The following GAB2 variants were observed in gnomAD, a reference collection of about 807,000 sequenced individuals.
GAB2 encodes the protein GRB2 associated binding protein 2.
GAB2 carries 26 observed loss-of-function variants against 65.5 expected under a neutral mutation model. The ratio of observed to expected loss-of-function variants is 0.40; its 90% CI spans 0.29 to 0.55. GAB2 has a LOEUF of 0.55. GAB2 is among the 20% of genes least tolerant of loss of function. The probability of loss-of-function intolerance (pLI) is 0.53; values close to 1 mark genes in which losing one functional copy is unlikely to be tolerated. For missense variants in GAB2, 884 were observed against 875.8 expected (o/e 1.01, Z -0.12); for synonymous variants, 321 against 329.6 (o/e 0.97, Z 0.28).
At chr11:78,273,449 A>C (rs926118604) in intron 2 of GAB2, among the ~76,000 whole-genome samples, 2 of 152,224 alleles carry the variant, frequency 1.3e-5, no homozygotes, top group Non-Finnish European at 2.9e-5. Flanking sequence ...GCCCCACTGG[A>C]TTTTGGACTT....
intron 2 of GAB2, among the ~76,000 whole-genome samples, chr11:78,279,275 T>C (rs1326522244): frequency 3.3e-5 from 5 of 152,094 alleles, no homozygotes; most frequent in Non-Finnish European, 7.4e-5. Context: ...AACTTCCTGT[T>C]AAAAAAACTA....
At chr11:78,307,638 T>A (rs1855397092) in intron 1 of GAB2, among the ~76,000 whole-genome samples, 1 of 106,328 alleles carries the variant, frequency 9.4e-6, no homozygotes, top group South Asian at 3.2e-4. Context: ...GAGAGAGATG[T>A]TGAGTCAAAA....
intron 1 of GAB2, among the ~76,000 whole-genome samples, chr11:78,342,187 C>G (rs1421623842): frequency 6.6e-6 from 1 of 152,326 alleles, no homozygotes; most frequent in South Asian, 2.1e-4. Flanking sequence ...TTTGCTTACA[C>G]TCTAGTGAAT....
At chr11:78,382,978 GA>G (rs1443423419) in intron 1 of GAB2, among the ~76,000 whole-genome samples, 2 of 152,168 alleles carry the variant, frequency 1.3e-5, no homozygotes, top group Non-Finnish European at 2.9e-5. Context: ...TCTGACTTTA[GA>G]AACAGTCTTC....
At chr11:78,285,490 T>C (rs1866454825) in intron 1 of GAB2, among the ~76,000 whole-genome samples, 1 of 152,184 alleles carries the variant, frequency 6.6e-6, no homozygotes, top group Non-Finnish European at 1.5e-5. Context: ...TATTTATTTA[T>C]ATATATTTTT....
chr11:78,260,027 A>C (rs1865689714), intron 2 of GAB2, among the ~76,000 whole-genome samples: 1 of 152,250 alleles, frequency 6.6e-6, no homozygotes, highest in African/African-American at 2.4e-5. Flanking sequence ...CATGGTAAGT[A>C]AACATTTGTG....
chr11:78,335,330 G>C (rs1254718585), intron 1 of GAB2, among the ~76,000 whole-genome samples: 1 of 152,152 alleles, frequency 6.6e-6, no homozygotes, highest in African/African-American at 2.4e-5. Context: ...CAATGTCCTG[G>C]AGATTTTCCC....
chr11:78,318,055 T>C (rs1010413672), intron 1 of GAB2: 2 of 152,074 alleles, frequency 1.3e-5, no homozygotes, highest in Non-Finnish European at 2.9e-5. Context: ...GGAAGATAAT[T>C]CCTGATTTAG....
chr11:78,288,382 G>GAA (rs369041941), intron 1 of GAB2, among the ~76,000 whole-genome samples: 23,139 of 119,454 alleles, frequency 0.19, 2,633 homozygotes, highest in East Asian at 0.4. Context: ...CCATCTCAAA[G>GAA]AAAAAAAAAA....
At chr11:78,364,914 C>T (rs896999948) in intron 1 of GAB2, among the ~76,000 whole-genome samples, 4 of 151,594 alleles carry the variant, frequency 2.6e-5, no homozygotes, top group Admixed American at 6.6e-5. Context: ...TATATATATA[C>T]GTCTATATAG....
chr11:78,415,347 A>G (rs973400699), intron 1 of GAB2, among the ~76,000 whole-genome samples: 2 of 152,244 alleles, frequency 1.3e-5, no homozygotes, highest in African/African-American at 4.8e-5. Context: ...GTAAATATAC[A>G]GCCATGGGGC....
intron 3 of GAB2, among the ~76,000 whole-genome samples, chr11:78,249,526 T>A (rs997406991): frequency 4.6e-5 from 7 of 152,182 alleles, no homozygotes; most frequent in Non-Finnish European, 8.8e-5. Flanking sequence ...GCTGATGATG[T>A]TAGAAAAACA....
intron 1 of GAB2, among the ~76,000 whole-genome samples, chr11:78,399,918 CT>C (rs1856948002): frequency 6.6e-6 from 1 of 152,166 alleles, no homozygotes; most frequent in African/African-American, 2.4e-5. Context: ...AAGTCATTTG[CT>C]TAATGACCCT....
chr11:78,223,559 T>C lies in GAB2; in HGVS notation c.1420A>G (p.Ser474Gly). 6.2e-7 allele frequency: 1 copy of C among 1,613,892 alleles called. No individual in the cohort carries two copies. Among genetic ancestry groups the C allele is most frequent in the Non-Finnish European group, 8.5e-7 (1 of 1,179,954 alleles). ...AMERAGDNSQ[S>G]VYIPMSPGAH... ...CCTGGGCTCATTGGGATGTAGACGC[T>C]CTGGGAATTATCACCTGCTCGTTCC... The change falls in exon 6 of 10, where the codon AGC becomes GGC. Residue 474 changes from serine to glycine, a missense_variant. Transcript: ENST00000361507.
intron 1 of GAB2, among the ~76,000 whole-genome samples, chr11:78,283,464 A>G (rs1565141663): frequency 6.6e-6 from 1 of 152,186 alleles, no homozygotes; most frequent in Non-Finnish European, 1.5e-5. Flanking sequence ...TGATCCCACA[A>G]TTCTTCACCA....
At chr11:78,269,624 T>C (rs762580638) in intron 2 of GAB2, among the ~76,000 whole-genome samples, 15 of 152,204 alleles carry the variant, frequency 9.9e-5, no homozygotes, top group Non-Finnish European at 1.6e-4. Context: ...CCAAAAGCAT[T>C]CCTATGGGTA....
intron 7 of GAB2, 88 bp from the exon 8 acceptor site, chr11:78,221,867 AC>A: frequency 1.2e-6 from 1 of 846,888 alleles, no homozygotes; most frequent in Non-Finnish European, 2.0e-6. Flanking sequence ...ACCCTCACAC[AC>A]CCAGACCTCA....
intron 2 of GAB2, among the ~76,000 whole-genome samples, chr11:78,278,709 C>T (rs1045271858): frequency 6.9e-6 from 1 of 144,680 alleles, no homozygotes; most frequent in African/African-American, 2.7e-5. Flanking sequence ...TCTTATTCCC[C>T]ACCCCCAACA....
intron 1 of GAB2, among the ~76,000 whole-genome samples, chr11:78,330,508 G>A (rs1339691005): frequency 1.3e-5 from 2 of 152,144 alleles, no homozygotes; most frequent in South Asian, 2.1e-4. Context: ...TTTGAGATAG[G>A]AGAGTCATGT....
Sources: allele counts gnomAD v4.1 joint callset (sites outside exome capture counted in the v4.1 genomes callset), GRCh38; gene constraint gnomAD v4.1.1; transcripts MANE v1.5; gene names NCBI Gene and HGNC (gene_info 2026-07-23, HGNC 2026-07-21).